Variants in UNC79 observed in about 807,000 individuals in gnomAD.
UNC79 encodes the protein protein unc-79 homolog.
In UNC79, 37 loss-of-function variants were observed where a neutral mutation model predicts 283.1. The observed-to-expected ratio is 0.13, with a 90% CI of 0.10 to 0.17. UNC79 has a LOEUF of 0.17. Ranked by LOEUF, UNC79 falls within the 10% of genes least tolerant of loss-of-function variation. UNC79 has a pLI of 1.00. For synonymous variants in UNC79, 1,107 were observed against 1,200.2 expected, an observed-to-expected ratio of 0.92 and a Z score of 1.61; for missense variants, 2,272 against 3,211.1, an observed-to-expected ratio of 0.71 and a Z score of 7.07.
chr14:93,598,365 C>CGTGTGTGT lies in UNC79; in HGVS notation c.3372+863_3372+870dup, dbSNP rs71301930. 2.4e-3 allele frequency among the ~76,000 whole-genome samples: 155 copies of CGTGTGTGT among 64,080 alleles called. 1 individual carries two copies. Among genetic ancestry groups the CGTGTGTGT allele is most frequent in the African/African-American group, 5.3e-3 (130 of 24,308 alleles). The allele number at this position is 64,080 out of a possible 152,430, so 42.0% of individuals were successfully genotyped here. A position where few individuals can be genotyped will look rare whatever the true frequency, so the allele number is the denominator to read the frequency against. Reference sequence around the variant, plus strand: ...TTGGACAGATGTAATTATTGCATAACGTGTGTGTGTGTGTGTGTGTGTGTG... The same window carrying CGTGTGTGT: ...TTGGACAGATGTAATTATTGCATAACGTGTGTGTGTGTGTGTGTGTGTGTGTGTGTGTG... On this transcript the variant is annotated intron_variant, in intron 24 of 48. Coordinates refer to ENST00000555664, the Ensembl canonical transcript of UNC79.
rs114391746 is a variant in UNC79 at position 93,593,304 on chromosome 14, C to A, written c.3033-376C>A. The stretch of plus-strand genomic sequence containing the variant: ...ATCATAAGAGGCTGGGCAGGCCAAA[C>A]CAACCAAACTTGCCAGATGCTCACT... On this transcript the variant is annotated intron_variant, in intron 22 of 48. Coordinates refer to ENST00000555664, the Ensembl canonical transcript of UNC79. Among the ~76,000 whole-genome samples, 961 of 152,258 alleles carry A rather than the reference C, an allele frequency of 6.3e-3. 8 individuals are homozygous for A. The highest frequency in any genetic ancestry group is 0.022 in the African/African-American group (920 of 41,550).
intron 7 of UNC79, among the ~76,000 whole-genome samples, chr14:93,504,710 C>A (rs1378060401): frequency 6.6e-6 from 1 of 152,006 alleles, no homozygotes; most frequent in East Asian, 1.9e-4. Flanking sequence ...TATCCAGCAA[C>A]TTTGCTAAGT....
At chr14:93,471,900 T>C (rs1469006077) in intron 2 of UNC79, among the ~76,000 whole-genome samples, 1 of 152,098 alleles carries the variant, frequency 6.6e-6, no homozygotes, top group Non-Finnish European at 1.5e-5. Context: ...AATATCAAAG[T>C]AGAGTCTCCA....
intron 1 of UNC79, among the ~76,000 whole-genome samples, chr14:93,413,979 C>T (rs2055396925): frequency 6.6e-6 from 1 of 151,686 alleles, no homozygotes; most frequent in Non-Finnish European, 1.5e-5. Flanking sequence ...TTGTAGGTTG[C>T]CTCTTCACTC....
intron 14 of UNC79, among the ~76,000 whole-genome samples, chr14:93,548,582 C>T (rs753520801): frequency 5.9e-5 from 9 of 152,170 alleles, no homozygotes; most frequent in Non-Finnish European, 1.2e-4. Flanking sequence ...TATTAAAGCT[C>T]ATTTAAAAAC....
At chr14:93,417,394 G>C (rs1489659643) in intron 1 of UNC79, among the ~76,000 whole-genome samples, 5 of 152,298 alleles carry the variant, frequency 3.3e-5, no homozygotes, top group African/African-American at 1.2e-4. Context: ...GAGATCCGCT[G>C]TTAGTCTGAT....
intron 7 of UNC79, among the ~76,000 whole-genome samples, chr14:93,506,146 T>C (rs1432118234): frequency 6.6e-6 from 1 of 152,120 alleles, no homozygotes; most frequent in African/African-American, 2.4e-5. Context: ...CTACTGAAGA[T>C]ACGTTTTCTC....
chr14:93,498,313 G>A (rs2059116993), intron 7 of UNC79, among the ~76,000 whole-genome samples: 1 of 151,642 alleles, frequency 6.6e-6, no homozygotes. Context: ...AATAGGTCAG[G>A]CGTGGTGGCT....
intron 1 of UNC79, among the ~76,000 whole-genome samples, chr14:93,434,065 T>G (rs1421745811): frequency 6.6e-6 from 1 of 151,918 alleles, no homozygotes; most frequent in African/African-American, 2.4e-5. Flanking sequence ...AATACAAAAT[T>G]AGCCTGGCAT....
In UNC79 at chr14:93,474,281, G is replaced by T. The variant is rs542091000; in HGVS notation, c.336G>T (p.Pro112=). ...GAGATGCTCCCTCAGAACGCGGCCC[G>T]CAAAGTCGTGATGCTCAGTTGTCAG... Residue 112 remains proline (P), a synonymous_variant, in exon 3 of 49, where the codon CCG becomes CCT. Coordinates refer to ENST00000555664, the Ensembl canonical transcript of UNC79. The surrounding 1 kb of genome is among the most constrained non-coding windows in gnomAD (Gnocchi z 4.1). 2 of 1,535,950 alleles carry T rather than the reference G, an allele frequency of 1.3e-6. No homozygotes were observed. The highest frequency in any genetic ancestry group is 8.7e-7 in the Non-Finnish European group (1 of 1,146,854).
exon 26 of UNC79, chr14:93,603,381 G>A: frequency 1.2e-6 from 2 of 1,614,130 alleles, no homozygotes; most frequent in Non-Finnish European, 1.7e-6. Context: ...AATCCAAGAG[G>A]GCGCTCTCCC....
At chr14:93,545,475 T>C (rs547875628) in intron 14 of UNC79, among the ~76,000 whole-genome samples, 4 of 152,320 alleles carry the variant, frequency 2.6e-5, no homozygotes, top group Non-Finnish European at 4.4e-5. Context: ...GTAATACTTA[T>C]AGATTTGGGT....
intron 20 of UNC79, 54 bp downstream of exon 20, chr14:93,582,398 CA>C: frequency 6.3e-7 from 1 of 1,593,874 alleles, no homozygotes; most frequent in East Asian, 2.2e-5. Context: ...GCCTGATGCT[CA>C]AATCACCGGG....
At chr14:93,477,799 T>G in intron 4 of UNC79, 71 bp downstream of exon 4, 1 of 1,443,646 alleles carries the variant, frequency 6.9e-7, no homozygotes, top group South Asian at 1.4e-5. Context: ...TTTGCTGTTA[T>G]AGGCTCTAGT....
At position 93,627,334 on chromosome 14, in the gene UNC79, G is replaced by T. The variant is rs192553947; in HGVS notation, c.5609-3467G>T. Reference sequence around the variant, plus strand: ...CTCTCAATGGTCTCATCTGGTTTTAGCCTTTAGATATTGTCTGTATGCTAA... The same window carrying T: ...CTCTCAATGGTCTCATCTGGTTTTATCCTTTAGATATTGTCTGTATGCTAA... On this transcript the variant is annotated intron_variant, in intron 30 of 48. Transcript: ENST00000555664. Among the ~76,000 whole-genome samples the T allele has an allele frequency of 1.3e-3, 204 of 152,210 alleles. 1 individual carries two copies. The highest frequency in any genetic ancestry group is 0.01 in the Middle Eastern group (3 of 294).
At position 93,550,533 on chromosome 14, in the gene UNC79, A is replaced by G. The variant is rs66625082; in HGVS notation, c.1755+7837A>G. 4.5e-4 allele frequency among the ~76,000 whole-genome samples: 55 copies of G among 122,540 alleles called. 5 individuals are homozygous for G. The highest frequency in any genetic ancestry group is 2.3e-3 in the East Asian group (10 of 4,402). 80.4% of individuals were successfully genotyped at this position (122,540 alleles called of 152,430 possible). On this transcript the variant is annotated intron_variant, in intron 14 of 48. Coordinates refer to ENST00000555664, the Ensembl canonical transcript of UNC79. ...CCGTATCAAAAAAAAAAAAAAAAAA[A>G]AAAAAAAAGAGGAAGGAGTCTTCCC... is the stretch of plus-strand genomic sequence containing the variant.
intron 1 of UNC79, among the ~76,000 whole-genome samples, chr14:93,465,014 A>G (rs2057111954): frequency 6.6e-6 from 1 of 152,216 alleles, no homozygotes; most frequent in African/African-American, 2.4e-5. Context: ...TGCATTCACC[A>G]ATGCACAAAT....
At chr14:93,593,917 C>T (rs2064871142) in intron 23 of UNC79, 80 bp downstream of exon 23, 2 of 1,426,406 alleles carry the variant, frequency 1.4e-6, no homozygotes, top group East Asian at 2.5e-5. Context: ...TTTGGCACCT[C>T]CTTTCTTGTC....
chr14:93,538,675 A>G (rs113456895), intron 12 of UNC79, among the ~76,000 whole-genome samples: 1 of 152,044 alleles, frequency 6.6e-6, no homozygotes, highest in Non-Finnish European at 1.5e-5. Flanking sequence ...AATTACCTGC[A>G]TAGGAAACAG....
Sources: gnomAD v4.1 joint callset for allele counts (sites outside exome capture counted in the v4.1 genomes callset) on GRCh38, gnomAD v4.1.1 for gene constraint, Gnocchi (gnomAD v3.1) non-coding constraint, MANE v1.5 for transcripts, NCBI Gene and HGNC (gene_info 2026-07-23, HGNC 2026-07-21) for gene names.